ATXN7L1: variants seen among roughly 807,000 people sequenced by gnomAD.
The protein encoded by ATXN7L1 is ataxin 7 like 1.
In ATXN7L1, 15 loss-of-function variants were observed where a neutral mutation model predicts 70.8. That is an observed-to-expected ratio of 0.21 (90% CI 0.14 to 0.33). ATXN7L1 has a LOEUF of 0.33. Among genes scored for constraint, ATXN7L1 ranks in the 10% least tolerant of loss-of-function variants. The pLI, the probability that ATXN7L1 is intolerant of heterozygous loss-of-function variation, is 1.00. For missense variants in ATXN7L1, 975 were observed against 1,097.1 expected (o/e 0.89, Z 1.57); for synonymous variants, 440 against 445.1 (o/e 0.99, Z 0.14).
At chr7:105,783,987 G>T (rs1803904473) in intron 3 of ATXN7L1, among the ~76,000 whole-genome samples, 1 of 151,868 alleles carries the variant, frequency 6.6e-6, no homozygotes, top group South Asian at 2.1e-4. Context: ...TTTGAGACAG[G>T]GTCTCACTCT....
intron 2 of ATXN7L1, among the ~76,000 whole-genome samples, chr7:105,807,433 A>G (rs1314168651): frequency 1.3e-5 from 2 of 152,174 alleles, no homozygotes; most frequent in Non-Finnish European, 2.9e-5. Context: ...ACACAAACCC[A>G]TGCAGGGCGA....
At chr7:105,688,537 C>A (rs1348986392) in intron 3 of ATXN7L1, among the ~76,000 whole-genome samples, 1 of 151,210 alleles carries the variant, frequency 6.6e-6, no homozygotes, top group East Asian at 1.9e-4. Flanking sequence ...AGAGCAAGAC[C>A]CTGTGTCAAT....
rs763820738 is a variant in ATXN7L1 at position 105,613,679 on chromosome 7, C to T, written c.2472+183G>A. 4.1e-5 allele frequency: 60 copies of T among 1,456,320 alleles called. No homozygotes were observed. In the African/African-American group the frequency reaches 5.5e-4, roughly 13 times the overall value. The allele number at this position is 1,456,320 out of a possible 1,614,324, so 90.2% of individuals were successfully genotyped here. Reference sequence around the variant, plus strand: ...AGAACAGTGTCTAGCACATAGTGAGCGTGGTATCAAGTACTTGTTCAGTAA... The same window carrying T: ...AGAACAGTGTCTAGCACATAGTGAGTGTGGTATCAAGTACTTGTTCAGTAA... On this transcript the variant is annotated intron_variant, in intron 10 of 11. Coordinates refer to ENST00000419735, the MANE Select transcript of ATXN7L1 (RefSeq NM_020725.2).
intron 2 of ATXN7L1, among the ~76,000 whole-genome samples, chr7:105,868,013 G>A (rs1446241706): frequency 6.6e-6 from 1 of 152,192 alleles, no homozygotes; most frequent in Non-Finnish European, 1.5e-5. Context: ...ACTACTGTGT[G>A]CTTTGCTATC....
intron 2 of ATXN7L1, 57 bp from the exon 3 acceptor site, chr7:105,788,765 G>T: frequency 7.3e-7 from 1 of 1,366,504 alleles, no homozygotes; most frequent in Non-Finnish European, 1.0e-6. Context: ...CTCAGAAGGT[G>T]TACAGTTTCC....
At chr7:105,796,137 G>C (rs1234449750) in intron 2 of ATXN7L1, among the ~76,000 whole-genome samples, 1 of 152,122 alleles carries the variant, frequency 6.6e-6, no homozygotes, top group Non-Finnish European at 1.5e-5. Flanking sequence ...GGCCGAGGCG[G>C]GCAGATCATG....
intron 2 of ATXN7L1, among the ~76,000 whole-genome samples, chr7:105,874,545 C>T (rs79347412): frequency 0.015 from 2,225 of 152,336 alleles, 34 homozygotes; most frequent in Middle Eastern, 0.045. Context: ...CAAGATCACA[C>T]TAAGATATTT....
rs1341941969 is a variant in ATXN7L1 at position 105,819,035 on chromosome 7, C to T, written c.251-30327G>A. Reference sequence around the variant, plus strand: ...TCTCCTAATGCTATCCCTCCCCCAGCCCCCCACCCCCGGAGAGACCCCGGT... The same window carrying T: ...TCTCCTAATGCTATCCCTCCCCCAGTCCCCCACCCCCGGAGAGACCCCGGT... On this transcript the variant is annotated intron_variant, in intron 2 of 11. Coordinates refer to ENST00000419735, the MANE Select transcript of ATXN7L1 (RefSeq NM_020725.2). Among the ~76,000 whole-genome samples the T allele has an allele frequency of 2.0e-5, 3 of 149,060 alleles. No individual in the cohort carries two copies. In the East Asian group the frequency reaches 5.9e-4, roughly 29 times the overall value.
chr7:105,614,689 T>C lies in ATXN7L1; in HGVS notation c.1645A>G (p.Ser549Gly), dbSNP rs1420172943. The stretch of plus-strand genomic sequence containing the variant: ...ATGTAAGAAGAGGTGAGCCTCGAGC[T>C]GATGGGAGCTGAAGGAAGATACACA... ...SAVYLPSAPI[S>G]SRLTSSYIMT... Residue 549 changes from serine to glycine, a missense_variant, in exon 10 of 12, where the codon AGC (serine) becomes GGC (glycine). Around this residue, in one of 5 missense-constraint regions of ATXN7L1, gnomAD observed 635 missense variants for 699.4 expected, o/e 0.91. Transcript: ENST00000419735. The surrounding 1 kb of genome is among the most constrained non-coding windows in gnomAD (Gnocchi z 4.3). 1.9e-6 allele frequency: 3 copies of C among 1,551,512 alleles called. No homozygotes were observed. Among genetic ancestry groups the C allele is most frequent in the African/African-American group, 2.7e-5 (2 of 72,978 alleles).
chr7:105,802,644 C>G (rs1225959128), intron 2 of ATXN7L1, among the ~76,000 whole-genome samples: 2 of 152,154 alleles, frequency 1.3e-5, no homozygotes, highest in African/African-American at 4.8e-5. Flanking sequence ...TTTCATAGTG[C>G]CATCAAACTG....
At chr7:105,717,443 G>T (rs948451947) in intron 3 of ATXN7L1, among the ~76,000 whole-genome samples, 1 of 152,076 alleles carries the variant, frequency 6.6e-6, no homozygotes, top group East Asian at 1.9e-4. Context: ...TTTTTTAAAA[G>T]ATTATTTTAG....
At chr7:105,668,695 T>G (rs1214933205) in intron 3 of ATXN7L1, among the ~76,000 whole-genome samples, 1 of 152,196 alleles carries the variant, frequency 6.6e-6, no homozygotes. Flanking sequence ...GTGCTGGGAT[T>G]GTAGGCATGA....
At chr7:105,646,582 T>C (rs1368103028) in intron 4 of ATXN7L1, among the ~76,000 whole-genome samples, 1 of 152,076 alleles carries the variant, frequency 6.6e-6, no homozygotes, top group Non-Finnish European at 1.5e-5. Context: ...CACACTTGGC[T>C]AATTTTTGTA....
At chr7:105,766,327 T>A (rs559778004) in intron 3 of ATXN7L1, among the ~76,000 whole-genome samples, 23 of 152,104 alleles carry the variant, frequency 1.5e-4, no homozygotes, top group Non-Finnish European at 2.6e-4. Flanking sequence ...AACTGAAATG[T>A]ATGCACCTTT....
intron 3 of ATXN7L1, among the ~76,000 whole-genome samples, chr7:105,709,785 G>T (rs563044077): frequency 2.4e-4 from 36 of 152,216 alleles, no homozygotes; most frequent in African/African-American, 8.7e-4. Context: ...CCCTTCTCTT[G>T]GGAAGTGTGA....
intron 2 of ATXN7L1, among the ~76,000 whole-genome samples, chr7:105,844,711 T>C (rs577933266): frequency 2.6e-5 from 4 of 152,302 alleles, no homozygotes; most frequent in Admixed American, 2.6e-4. Flanking sequence ...AATATTATAC[T>C]GAATATTCTA....
chr7:105,715,922 C>G (rs1205882251), intron 3 of ATXN7L1, among the ~76,000 whole-genome samples: 2 of 152,154 alleles, frequency 1.3e-5, no homozygotes, highest in African/African-American at 4.8e-5. Context: ...TTTGCTGTGA[C>G]TGGAGCGTCC....
intron 2 of ATXN7L1, among the ~76,000 whole-genome samples, chr7:105,809,570 AAT>A (rs1037872764): frequency 6.6e-6 from 1 of 152,160 alleles, no homozygotes; most frequent in Non-Finnish European, 1.5e-5. Context: ...TCAAGGTTCA[AAT>A]ATATATCCTT....
intron 2 of ATXN7L1, chr7:105,819,477 AG>A: frequency 4.0e-6 from 3 of 749,392 alleles, no homozygotes; most frequent in East Asian, 2.6e-5. Flanking sequence ...GTCCTTTCCC[AG>A]GGGGCTGCTG....
Sources: gnomAD v4.1 joint callset for allele counts (sites outside exome capture counted in the v4.1 genomes callset) on GRCh38, gnomAD v4.1.1 for gene constraint, gnomAD v4.1.1 regional missense constraint, Gnocchi (gnomAD v3.1) non-coding constraint, MANE v1.5 for transcripts, NCBI Gene and HGNC (gene_info 2026-07-23, HGNC 2026-07-21) for gene names.